The following MKLN1 variants were observed in gnomAD, a reference collection of about 807,000 sequenced individuals.
MKLN1 encodes the protein muskelin.
Under a neutral mutation model 99.0 loss-of-function variants are expected in MKLN1, and 18 were observed. The observed-to-expected ratio is 0.18, with a 90% CI of 0.13 to 0.27. The LOEUF (loss-of-function observed/expected upper bound fraction) is 0.27, where lower values mean the gene tolerates loss of function less well. MKLN1 is among the 10% of genes least tolerant of loss of function. MKLN1 has a pLI of 1.00. For synonymous variants in MKLN1, 288 were observed against 293.2 expected (o/e 0.98, Z 0.18); for missense variants, 621 against 875.9 (o/e 0.71, Z 3.67).
chr7:131,283,048 C>T (rs558687683), intron 3 of MKLN1, among the ~76,000 whole-genome samples: 34 of 152,296 alleles, frequency 2.2e-4, no homozygotes, highest in African/African-American at 7.0e-4. Flanking sequence ...ACAGCTCCTC[C>T]GTTCATGAAC....
At chr7:131,364,835 T>C (rs1373583202) in intron 1 of MKLN1, among the ~76,000 whole-genome samples, 1 of 152,158 alleles carries the variant, frequency 6.6e-6, no homozygotes, top group East Asian at 1.9e-4. Context: ...ATGTACCACA[T>C]TTTCTTTATC....
At chr7:131,354,653 T>A (rs1799821617) in intron 1 of MKLN1, among the ~76,000 whole-genome samples, 1 of 152,098 alleles carries the variant, frequency 6.6e-6, no homozygotes, top group African/African-American at 2.4e-5. Flanking sequence ...TTTTCTGGAT[T>A]TTTGAATTAG....
chr7:131,212,232 T>C (rs559873664), intron 3 of MKLN1, among the ~76,000 whole-genome samples: 1 of 152,242 alleles, frequency 6.6e-6, no homozygotes, highest in Non-Finnish European at 1.5e-5. Context: ...ACTTCACTGC[T>C]TTCCTCCAAG....
In MKLN1 at chr7:131,419,785, A is replaced by G. The variant is rs111916457; in HGVS notation, c.847+5075A>G. ...GGAAGAGGTGAAGTCAGAGAAAGAG[A>G]GTGGGAAGAGGTGAAATCAGAGAAA... is the stretch of plus-strand genomic sequence containing the variant. On this transcript the variant is annotated intron_variant, in intron 8 of 17. Coordinates refer to ENST00000352689, the MANE Select transcript of MKLN1 (RefSeq NM_013255.5). Among the ~76,000 whole-genome samples the G allele has an allele frequency of 3.4e-3, 511 of 152,194 alleles. 2 individuals are homozygous for G. Among genetic ancestry groups the G allele is most frequent in the African/African-American group, 0.012 (485 of 41,498 alleles).
intron 2 of MKLN1, among the ~76,000 whole-genome samples, chr7:131,166,318 T>C (rs745410135): frequency 7.2e-5 from 11 of 152,164 alleles, no homozygotes; most frequent in Non-Finnish European, 1.5e-4. Context: ...GAGTTTGATT[T>C]CGAGCACATT....
chr7:131,248,507 A>C lies in MKLN1; in HGVS notation c.-179+45533A>C, dbSNP rs116847656. Reference sequence around the variant, plus strand: ...GCCAAGCACCGTGCTAAGTGCTTTCACATACATTTTCTCATTTAATGGATC... The same window carrying C: ...GCCAAGCACCGTGCTAAGTGCTTTCCCATACATTTTCTCATTTAATGGATC... On this transcript the variant is annotated intron_variant, in intron 3 of 7. Coordinates refer to the MKLN1 transcript ENST00000416992. Among the ~76,000 whole-genome samples, 608 of 152,310 alleles carry C rather than the reference A, an allele frequency of 4.0e-3. 4 individuals carry two copies. The highest frequency in any genetic ancestry group is 5.6e-3 in the Non-Finnish European group (384 of 68,024).
At chr7:131,257,891 G>A (rs1363438169) in intron 3 of MKLN1, among the ~76,000 whole-genome samples, 1 of 152,140 alleles carries the variant, frequency 6.6e-6, no homozygotes, top group African/African-American at 2.4e-5. Context: ...AGGCCAAGGT[G>A]GGAGGATCAC....
At chr7:131,197,822 C>A (rs746656510) in intron 2 of MKLN1, among the ~76,000 whole-genome samples, 34 of 151,910 alleles carry the variant, frequency 2.2e-4, no homozygotes, top group Non-Finnish European at 1.2e-4. Flanking sequence ...TCTAATACTG[C>A]CAGCATTTTA....
At position 131,455,685 on chromosome 7, in the gene MKLN1, T is replaced by A. The variant is rs569025200; in HGVS notation, c.1526-7532T>A. Among the ~76,000 whole-genome samples, 364 of 152,300 alleles carry A rather than the reference T, an allele frequency of 2.4e-3. 1 individual carries two copies. The highest frequency in any genetic ancestry group is 8.6e-3 in the African/African-American group (356 of 41,572). ...GCTTTTTAGCAGTTGAATCTTAAAG[T>A]TTTTAAAATCGTTTATGTTGCAGGT... is the stretch of plus-strand genomic sequence containing the variant. On this transcript the variant is annotated intron_variant, in intron 12 of 17. Transcript: ENST00000352689.
At chr7:131,339,562 G>T (rs1309587213) in intron 1 of MKLN1, among the ~76,000 whole-genome samples, 1 of 152,100 alleles carries the variant, frequency 6.6e-6, no homozygotes, top group African/African-American at 2.4e-5. Context: ...AGCAGGATGT[G>T]TTGGTGCATG....
chr7:131,240,074 G>A (rs1247856941), intron 3 of MKLN1, among the ~76,000 whole-genome samples: 2 of 152,018 alleles, frequency 1.3e-5, no homozygotes, highest in Non-Finnish European at 2.9e-5. Flanking sequence ...CCAGCTACTT[G>A]GCAGGCTGAG....
intron 1 of MKLN1, among the ~76,000 whole-genome samples, chr7:131,329,455 A>G (rs888483261): frequency 5.3e-5 from 8 of 152,220 alleles, no homozygotes; most frequent in East Asian, 1.9e-4. Context: ...ATGTGGCCCT[A>G]TGTACTTGAC....
chr7:131,478,791 A>C (rs757721202), intron 17 of MKLN1, 114 bp downstream of exon 17: 114 of 1,265,246 alleles, frequency 9.0e-5, no homozygotes, highest in Non-Finnish European at 1.3e-4. Flanking sequence ...TAGATGAGCA[A>C]ATGAAGTTTC....
At chr7:131,352,651 G>A (rs544842041) in intron 1 of MKLN1, among the ~76,000 whole-genome samples, 1 of 152,096 alleles carries the variant, frequency 6.6e-6, no homozygotes, top group East Asian at 1.9e-4. Context: ...TTATTACTGG[G>A]TGAAGTTTAA....
chr7:131,400,519 AT>A (rs143764082), intron 6 of MKLN1, among the ~76,000 whole-genome samples: 619 of 60,334 alleles, frequency 0.01, 2 homozygotes, highest in African/African-American at 0.035. Context: ...TAAAAAAAAA[AT>A]ATATATATAT....
intron 3 of MKLN1, among the ~76,000 whole-genome samples, chr7:131,280,104 A>G (rs981330278): frequency 2.6e-5 from 4 of 152,292 alleles, no homozygotes; most frequent in South Asian, 2.1e-4. Flanking sequence ...CTTGTTTTCC[A>G]GGTTCATCCA....
At chr7:131,402,950 T>A (rs994102502) in intron 6 of MKLN1, among the ~76,000 whole-genome samples, 1 of 152,134 alleles carries the variant, frequency 6.6e-6, no homozygotes, top group African/African-American at 2.4e-5. Context: ...TAAATGAGCA[T>A]TGACTTCCGC....
intron 2 of MKLN1, among the ~76,000 whole-genome samples, chr7:131,194,018 T>C (rs1280520647): frequency 6.7e-6 from 1 of 150,170 alleles, no homozygotes; most frequent in Non-Finnish European, 1.5e-5. Context: ...TTTTTTTTTT[T>C]TTCCAGAAAC....
At chr7:131,476,193 T>C (rs548120932) in intron 16 of MKLN1, among the ~76,000 whole-genome samples, 1 of 152,334 alleles carries the variant, frequency 6.6e-6, no homozygotes, top group African/African-American at 2.4e-5. Flanking sequence ...AACATACAGC[T>C]AGGGCTATTC....
Sources: gnomAD v4.1 joint callset for allele counts (sites outside exome capture counted in the v4.1 genomes callset) on GRCh38, gnomAD v4.1.1 for gene constraint, MANE v1.5 for transcripts, NCBI Gene and HGNC (gene_info 2026-07-23, HGNC 2026-07-21) for gene names.